BACH2: variants seen among roughly 807,000 people sequenced by gnomAD.
The protein encoded by BACH2 is transcription regulator protein BACH2.
Under a neutral mutation model 61.8 loss-of-function variants are expected in BACH2, and 5 were observed. The observed-to-expected ratio is 0.08, with a 90% CI of 0.04 to 0.17. The LOEUF is 0.17. BACH2 is among the 10% of genes least tolerant of loss of function. The pLI, the probability that BACH2 is intolerant of heterozygous loss-of-function variation, is 1.00. For missense variants in BACH2, 824 were observed against 1,091.1 expected (o/e 0.76, Z 3.45); for synonymous variants, 446 against 440.1 (o/e 1.01, Z -0.17).
chr6:90,053,807 T>C (rs9362716), intron 5 of BACH2, among the ~76,000 whole-genome samples: 46,776 of 152,152 alleles, frequency 0.31, 7,813 homozygotes, highest in East Asian at 0.68. Context: ...GTATTGTTCC[T>C]CTGTGGATGT....
intron 3 of BACH2, among the ~76,000 whole-genome samples, chr6:90,237,650 T>C (rs1471575980): frequency 6.6e-6 from 1 of 152,230 alleles, no homozygotes; most frequent in Admixed American, 6.5e-5. Flanking sequence ...TAAAATGCAA[T>C]GGAATCTCTT....
intron 4 of BACH2, among the ~76,000 whole-genome samples, chr6:90,163,893 A>C (rs1340876580): frequency 6.6e-6 from 1 of 152,242 alleles, no homozygotes; most frequent in Non-Finnish European, 1.5e-5. Context: ...TTGAATGTAG[A>C]TCAAAATGTG....
intron 4 of BACH2, among the ~76,000 whole-genome samples, chr6:90,201,016 T>C (rs1450366461): frequency 6.6e-6 from 1 of 152,230 alleles, no homozygotes; most frequent in Non-Finnish European, 1.5e-5. Flanking sequence ...CATGCTGTTA[T>C]ATAACTTGTC....
intron 1 of BACH2, among the ~76,000 whole-genome samples, chr6:90,272,463 CCTTGAACTCCT>C (rs1260108412): frequency 6.6e-6 from 1 of 152,066 alleles, no homozygotes; most frequent in African/African-American, 2.4e-5. Flanking sequence ...CCATTCCCTC[CCTTGAACTCCT>C]CTCCTTTATT....
chr6:90,187,114 CATCTACTAAATAAA>C (rs1345736164), intron 4 of BACH2, among the ~76,000 whole-genome samples: 1 of 152,154 alleles, frequency 6.6e-6, no homozygotes, highest in Non-Finnish European at 1.5e-5. Context: ...AAACTAAGAA[CATCTACTAAATAAA>C]TAAATCAAGT....
At chr6:90,025,858 T>C (rs1215955287) in intron 5 of BACH2, among the ~76,000 whole-genome samples, 1 of 152,186 alleles carries the variant, frequency 6.6e-6, no homozygotes, top group Non-Finnish European at 1.5e-5. Flanking sequence ...GGGGAAATCA[T>C]TACAGAGAAA....
intron 4 of BACH2, among the ~76,000 whole-genome samples, chr6:90,135,374 C>T (rs544023723): frequency 2.8e-4 from 43 of 152,274 alleles, no homozygotes; most frequent in African/African-American, 1.0e-3. Flanking sequence ...CTACACTTCT[C>T]GCCTAAGTTT....
At chr6:90,272,176 T>C (rs1332474845) in intron 1 of BACH2, among the ~76,000 whole-genome samples, 1 of 152,156 alleles carries the variant, frequency 6.6e-6, no homozygotes, top group African/African-American at 2.4e-5. Context: ...AGGGTACAAA[T>C]GGCCTTCTTC....
intron 5 of BACH2, among the ~76,000 whole-genome samples, chr6:90,063,274 T>G (rs1376824570): frequency 6.6e-6 from 1 of 152,010 alleles, no homozygotes; most frequent in Non-Finnish European, 1.5e-5. Context: ...CCTATGGGGG[T>G]GTGTGTGTGA....
At position 89,932,276 on chromosome 6, in the gene BACH2, C is replaced by T; in HGVS notation, c.*132G>A. ...GAGAGGATACTTCGGAACAGTATTGCTGCTAAGACCGCTGTAGTGTGCACC... is the reference window on the plus strand; with the variant it reads ...GAGAGGATACTTCGGAACAGTATTGTTGCTAAGACCGCTGTAGTGTGCACC... On this transcript the variant is annotated 3_prime_UTR_variant, in exon 9 of 9. Transcript: ENST00000257749. 3.3e-6 allele frequency: 4 copies of T among 1,206,784 alleles called. No individual in the cohort carries two copies. Among genetic ancestry groups the T allele is most frequent in the Non-Finnish European group, 3.5e-6 (3 of 858,928 alleles). 74.8% of individuals were successfully genotyped at this position (1,206,784 alleles called of 1,614,324 possible).
intron 4 of BACH2, among the ~76,000 whole-genome samples, chr6:90,178,415 A>G (rs1292515465): frequency 1.3e-5 from 2 of 152,162 alleles, no homozygotes; most frequent in Non-Finnish European, 2.9e-5. Flanking sequence ...ATTTGAAGGG[A>G]AAAAATCTGT....
At chr6:90,165,753 G>A (rs572226895) in intron 4 of BACH2, among the ~76,000 whole-genome samples, 51 of 152,126 alleles carry the variant, frequency 3.4e-4, no homozygotes, top group African/African-American at 8.7e-4. Flanking sequence ...AAATAATGCC[G>A]CGTATCTACA....
At chr6:90,293,484 T>A (rs1171650168) in intron 1 of BACH2, among the ~76,000 whole-genome samples, 1 of 152,166 alleles carries the variant, frequency 6.6e-6, no homozygotes, top group Non-Finnish European at 1.5e-5. Flanking sequence ...GGAGCCTCGA[T>A]TAGGAATTCT....
intron 6 of BACH2, among the ~76,000 whole-genome samples, chr6:89,991,925 T>C (rs1776596015): frequency 6.6e-6 from 1 of 152,238 alleles, no homozygotes; most frequent in Non-Finnish European, 1.5e-5. Context: ...CTATTTGTTC[T>C]TTAGTTTATT....
intron 3 of BACH2, among the ~76,000 whole-genome samples, chr6:90,234,462 T>C (rs1770198013): frequency 6.6e-6 from 1 of 152,194 alleles, no homozygotes; most frequent in African/African-American, 2.4e-5. Context: ...ATGTTTTGTA[T>C]AAACCTTAGC....
chr6:90,114,452 G>A (rs777692108), intron 4 of BACH2, among the ~76,000 whole-genome samples: 17 of 152,104 alleles, frequency 1.1e-4, no homozygotes, highest in Non-Finnish European at 1.8e-4. Context: ...ACAGGCTTTT[G>A]ATAAAATTCA....
chr6:90,103,682 T>C (rs1217442011), intron 4 of BACH2, among the ~76,000 whole-genome samples: 1 of 152,140 alleles, frequency 6.6e-6, no homozygotes, highest in African/African-American at 2.4e-5. Flanking sequence ...TGTAAACAGG[T>C]TGTCTCACTA....
intron 1 of BACH2, among the ~76,000 whole-genome samples, chr6:90,273,180 C>T (rs752880793): frequency 4.0e-5 from 6 of 151,586 alleles, no homozygotes; most frequent in South Asian, 4.2e-4. Flanking sequence ...GATAACATAA[C>T]GAGTTCCTGT....
intron 4 of BACH2, among the ~76,000 whole-genome samples, chr6:90,175,240 T>C (rs981263955): frequency 6.6e-6 from 1 of 152,160 alleles, no homozygotes; most frequent in African/African-American, 2.4e-5. Flanking sequence ...TCTTTTTCTA[T>C]ATCTAAGTTT....
Sources: gnomAD v4.1 joint callset for allele counts (sites outside exome capture counted in the v4.1 genomes callset) on GRCh38, gnomAD v4.1.1 for gene constraint, MANE v1.5 for transcripts, NCBI Gene and HGNC (gene_info 2026-07-23, HGNC 2026-07-21) for gene names.